Variants in MAP2K1 observed in about 807,000 individuals in gnomAD.
The protein encoded by MAP2K1 is dual specificity mitogen-activated protein kinase kinase 1.
Under a neutral mutation model 46.3 loss-of-function variants are expected in MAP2K1, and 16 were observed. The ratio of observed to expected loss-of-function variants is 0.35; its 90% CI spans 0.23 to 0.52. The LOEUF (loss-of-function observed/expected upper bound fraction) is 0.52. Ranked by LOEUF, MAP2K1 falls within the 20% of genes least tolerant of loss-of-function variation. The pLI, the probability that MAP2K1 is intolerant of heterozygous loss-of-function variation, is 0.94. For missense variants in MAP2K1, 263 were observed against 497.1 expected (o/e 0.53, Z 4.48); for synonymous variants, 183 against 185.6 (o/e 0.99, Z 0.11).
chr15:66,462,840 CA>C (rs2140635800), intron 5 of MAP2K1, among the ~76,000 whole-genome samples: 1 of 152,238 alleles, frequency 6.6e-6, no homozygotes, highest in East Asian at 1.9e-4. Flanking sequence ...TATAGGGATC[CA>C]GGGGGCCCTT....
intron 5 of MAP2K1, among the ~76,000 whole-genome samples, chr15:66,462,170 C>G (rs1329347197): frequency 6.6e-6 from 1 of 152,032 alleles, no homozygotes; most frequent in East Asian, 1.9e-4. Flanking sequence ...CATTCCACTC[C>G]CTCCCACCCT....
At chr15:66,408,489 C>T (rs2093403339) in intron 1 of MAP2K1, among the ~76,000 whole-genome samples, 1 of 152,076 alleles carries the variant, frequency 6.6e-6, no homozygotes, top group South Asian at 2.1e-4. Flanking sequence ...ATAAGCCCAG[C>T]TTTCTTCTCC....
chr15:66,411,374 A>G (rs2093410950), intron 1 of MAP2K1, among the ~76,000 whole-genome samples: 1 of 152,230 alleles, frequency 6.6e-6, no homozygotes, highest in South Asian at 2.1e-4. Flanking sequence ...GTTCCCAGGA[A>G]GTAGCTTCTT....
intron 8 of MAP2K1, 165 bp from the exon 9 acceptor site, chr15:66,489,050 T>G: frequency 7.3e-6 from 5 of 681,610 alleles, no homozygotes; most frequent in Non-Finnish European, 1.3e-5. Context: ...AGCACTGGCC[T>G]TCTACCTGTG....
chr15:66,417,698 A>G (rs2093427887), intron 1 of MAP2K1, among the ~76,000 whole-genome samples: 5 of 152,130 alleles, frequency 3.3e-5, no homozygotes, highest in Admixed American at 3.3e-4. Flanking sequence ...CCCAGAGGTG[A>G]TACGTGCTCA....
chr15:66,485,922 T>C (rs1348155419), intron 7 of MAP2K1, among the ~76,000 whole-genome samples: 1 of 151,714 alleles, frequency 6.6e-6, no homozygotes, highest in East Asian at 2.0e-4. Context: ...TTTTTGATAC[T>C]GGGTCTTGCT....
At chr15:66,467,256 C>T (rs1892491356) in intron 5 of MAP2K1, among the ~76,000 whole-genome samples, 1 of 152,072 alleles carries the variant, frequency 6.6e-6, no homozygotes, top group South Asian at 2.1e-4. Flanking sequence ...AAAGAGAAAC[C>T]ATCATTGCAA....
intron 1 of MAP2K1, among the ~76,000 whole-genome samples, chr15:66,411,495 C>T (rs898016943): frequency 2.6e-5 from 4 of 152,110 alleles, no homozygotes; most frequent in African/African-American, 9.7e-5. Context: ...ATCTTTTTAT[C>T]TGCTTCTTTT....
chr15:66,432,037 A>C lies in MAP2K1; in HGVS notation c.81-2990A>C, dbSNP rs534868556. Among the ~76,000 whole-genome samples, 255 of 152,292 alleles carry C rather than the reference A, an allele frequency of 1.7e-3. 1 individual carries two copies. Among genetic ancestry groups the C allele is most frequent in the Middle Eastern group, 0.01 (3 of 294 alleles). On this transcript the variant is annotated intron_variant, in intron 1 of 10. Coordinates refer to ENST00000307102, the MANE Select transcript of MAP2K1 (RefSeq NM_002755.4). Reference sequence around the variant, plus strand: ...AAAGGACGTGATCTCGTTCCTTTTTATGTCTGCATAGTATTCCATGATATA... The same window carrying C: ...AAAGGACGTGATCTCGTTCCTTTTTCTGTCTGCATAGTATTCCATGATATA...
chr15:66,397,975 G>T (rs1483946555), intron 1 of MAP2K1, among the ~76,000 whole-genome samples: 1 of 152,154 alleles, frequency 6.6e-6, no homozygotes, highest in East Asian at 1.9e-4. Flanking sequence ...GGTGGCACGT[G>T]CCTGTGGTCC....
At chr15:66,420,553 A>AAAAAT (rs201783861) in intron 1 of MAP2K1, among the ~76,000 whole-genome samples, 231 of 151,732 alleles carry the variant, frequency 1.5e-3, no homozygotes, top group South Asian at 4.0e-3. Flanking sequence ...ACCCTGTCTC[A>AAAAAT]AAAATAAAAT....
chr15:66,390,699 A>G (rs2093354332), intron 1 of MAP2K1, among the ~76,000 whole-genome samples: 2 of 152,190 alleles, frequency 1.3e-5, no homozygotes, highest in Admixed American at 1.3e-4. Flanking sequence ...CCTCTGTTTA[A>G]AATGTTCTTC....
Position 66,489,675 on chromosome 15 carries a change from C to T in MAP2K1, c.1023-43C>T, listed in dbSNP as rs146169356. 4.4e-4 allele frequency: 650 copies of T among 1,476,902 alleles called. 2 individuals carry two copies. In the African/African-American group the frequency reaches 5.8e-3, roughly 13 times the overall value. 91.5% of individuals were successfully genotyped at this position (1,476,902 alleles called of 1,614,324 possible). A position where few individuals can be genotyped will look rare whatever the true frequency, so the allele number is the denominator to read the frequency against. Reference sequence around the variant, plus strand: ...GCAAACATGTTATTTGAGCTAGAACCAGTGCCAGGCAACAGCTCTTACCTT... The same window carrying T: ...GCAAACATGTTATTTGAGCTAGAACTAGTGCCAGGCAACAGCTCTTACCTT... On this transcript the variant is annotated intron_variant, in intron 9 of 10. Coordinates refer to ENST00000307102, the MANE Select transcript of MAP2K1 (RefSeq NM_002755.4).
At chr15:66,460,817 C>T (rs1892299254) in intron 5 of MAP2K1, among the ~76,000 whole-genome samples, 1 of 151,928 alleles carries the variant, frequency 6.6e-6, no homozygotes, top group South Asian at 2.1e-4. Context: ...AGGATGGGGA[C>T]AGATGGGAGA....
chr15:66,467,641 A>G (rs1595877830), intron 5 of MAP2K1, among the ~76,000 whole-genome samples: 1 of 152,140 alleles, frequency 6.6e-6, no homozygotes, highest in Non-Finnish European at 1.5e-5. Flanking sequence ...GCTCACTGCA[A>G]CCTGCGCCTC....
At chr15:66,402,316 A>G (rs2093383874) in intron 1 of MAP2K1, among the ~76,000 whole-genome samples, 1 of 152,144 alleles carries the variant, frequency 6.6e-6, no homozygotes, top group African/African-American at 2.4e-5. Flanking sequence ...TATGCTCGGT[A>G]TGAGGTGTAT....
At chr15:66,423,055 C>T (rs1364398073) in intron 1 of MAP2K1, among the ~76,000 whole-genome samples, 2 of 152,074 alleles carry the variant, frequency 1.3e-5, no homozygotes, top group Non-Finnish European at 2.9e-5. Context: ...CCTGCCTTGG[C>T]CTCCCAAAAT....
chr15:66,453,374 C>T (rs1352116730), intron 5 of MAP2K1: 2 of 655,422 alleles, frequency 3.1e-6, no homozygotes, highest in Non-Finnish European at 5.5e-6. Flanking sequence ...ACTTGCACAG[C>T]CAAGAAAGGG....
chr15:66,400,176 C>T (rs1000677594), intron 1 of MAP2K1, among the ~76,000 whole-genome samples: 16 of 151,968 alleles, frequency 1.1e-4, no homozygotes, highest in African/African-American at 3.9e-4. Flanking sequence ...AAAAAAAAAC[C>T]TTTTCTGCTG....
Sources: allele counts gnomAD v4.1 joint callset (sites outside exome capture counted in the v4.1 genomes callset), GRCh38; gene constraint gnomAD v4.1.1; transcripts MANE v1.5; gene names NCBI Gene and HGNC (gene_info 2026-07-23, HGNC 2026-07-21).